Variants in RGS7BP observed in about 807,000 individuals in gnomAD.
RGS7BP encodes regulator of G protein signaling 7 binding protein.
A neutral mutation model predicts 31.3 loss-of-function variants in RGS7BP; 9 were observed. The observed-to-expected ratio is 0.29, with a 90% CI of 0.17 to 0.50. RGS7BP has a LOEUF of 0.50. Among genes scored for constraint, RGS7BP ranks in the 20% least tolerant of loss-of-function variants. RGS7BP has a pLI of 0.98. For missense variants in RGS7BP, 274 were observed against 322.0 expected (o/e 0.85, Z 1.14); for synonymous variants, 115 against 120.1 (o/e 0.96, Z 0.28).
At chr5:64,600,778 A>T (rs1743197321) in intron 5 of RGS7BP, among the ~76,000 whole-genome samples, 1 of 152,194 alleles carries the variant, frequency 6.6e-6, no homozygotes, top group Admixed American at 6.5e-5. Context: ...ATGTGACAAT[A>T]CATCTCTGTT....
At chr5:64,551,759 A>C (rs1741801427) in intron 2 of RGS7BP, among the ~76,000 whole-genome samples, 1 of 152,200 alleles carries the variant, frequency 6.6e-6, no homozygotes, top group Non-Finnish European at 1.5e-5. Context: ...TATGTTAAGC[A>C]GTTATTAATA....
intron 1 of RGS7BP, among the ~76,000 whole-genome samples, chr5:64,507,403 G>A (rs1561316455): frequency 2.0e-5 from 3 of 152,182 alleles, no homozygotes; most frequent in African/African-American, 7.2e-5. Flanking sequence ...GTTGGCCTGG[G>A]AGTGGCATGG....
intron 2 of RGS7BP, among the ~76,000 whole-genome samples, chr5:64,510,983 C>A (rs541368835): frequency 1.3e-5 from 2 of 152,318 alleles, no homozygotes; most frequent in African/African-American, 2.4e-5. Context: ...TACAGACTCC[C>A]ACTTCCTGGT....
In RGS7BP at chr5:64,511,777, G is replaced by A. The variant is rs191867231; in HGVS notation, c.332+3900G>A. Among the ~76,000 whole-genome samples, 27 of 152,322 alleles carry A rather than the reference G, an allele frequency of 1.8e-4. No homozygotes were observed. In the South Asian group the frequency reaches 2.5e-3, roughly 14 times the overall value. On this transcript the variant is annotated intron_variant, in intron 2 of 5. Coordinates refer to ENST00000334025, the MANE Select transcript of RGS7BP (RefSeq NM_001029875.3). ...GGAGTCAGGCAGACCTGGAATGAGT[G>A]TCATCTTTTATGACCTTGATGGAAT...
At chr5:64,602,374 G>A (rs56923245) in intron 5 of RGS7BP, among the ~76,000 whole-genome samples, 1,843 of 152,274 alleles carry the variant, frequency 0.012, 39 homozygotes, top group African/African-American at 0.042. Flanking sequence ...TCAGTGTGAC[G>A]TATGTAAACC....
At chr5:64,513,453 G>C (rs75068720) in intron 2 of RGS7BP, among the ~76,000 whole-genome samples, 11,714 of 152,114 alleles carry the variant, frequency 0.077, 524 homozygotes, top group Admixed American at 0.12. Context: ...GATTTTTTCA[G>C]TCCCACTTCT....
At chr5:64,576,204 A>C (rs1349930122) in intron 3 of RGS7BP, among the ~76,000 whole-genome samples, 1 of 152,228 alleles carries the variant, frequency 6.6e-6, no homozygotes, top group Non-Finnish European at 1.5e-5. Context: ...GTATGTAGTG[A>C]TTTCACTAGG....
intron 4 of RGS7BP, among the ~76,000 whole-genome samples, chr5:64,595,513 T>G (rs1386927560): frequency 2.0e-5 from 3 of 152,180 alleles, no homozygotes; most frequent in Non-Finnish European, 4.4e-5. Context: ...ACAGTGATTT[T>G]ATTTTATTTA....
chr5:64,590,757 TATC>T (rs60509453), intron 3 of RGS7BP, among the ~76,000 whole-genome samples: 4,545 of 152,142 alleles, frequency 0.03, 229 homozygotes, highest in African/African-American at 0.1. Flanking sequence ...ATAATTAAAA[TATC>T]ATGGAATTGC....
chr5:64,570,308 C>T (rs886795154), intron 2 of RGS7BP, among the ~76,000 whole-genome samples: 3 of 152,076 alleles, frequency 2.0e-5, no homozygotes, highest in Non-Finnish European at 4.4e-5. Context: ...TTGATCCTTG[C>T]AGCAACCTTG....
intron 2 of RGS7BP, among the ~76,000 whole-genome samples, chr5:64,552,674 G>C (rs949770485): frequency 6.6e-6 from 1 of 152,092 alleles, no homozygotes; most frequent in African/African-American, 2.4e-5. Flanking sequence ...TGGCTTTCTG[G>C]CCTTGTAAAT....
Position 64,535,748 on chromosome 5 carries a change from C to G in RGS7BP, c.332+27871C>G, listed in dbSNP as rs1027771770. On this transcript the variant is annotated intron_variant, in intron 2 of 5. Coordinates refer to ENST00000334025, the MANE Select transcript of RGS7BP (RefSeq NM_001029875.3). ...TAGCAGACAGGAAGACATACATCCTCCTTTATGGAGATTAAATGGTCCTGC... is the reference window on the plus strand; with the variant it reads ...TAGCAGACAGGAAGACATACATCCTGCTTTATGGAGATTAAATGGTCCTGC... 4.6e-5 allele frequency among the ~76,000 whole-genome samples: 7 copies of G among 152,308 alleles called. No individual in the cohort carries two copies. In the South Asian group the frequency reaches 6.2e-4, roughly 14 times the overall value.
chr5:64,594,914 G>A, intron 4 of RGS7BP, 57 bp downstream of exon 4: 1 of 1,563,426 alleles, frequency 6.4e-7, no homozygotes, highest in Non-Finnish European at 8.8e-7. Context: ...AATGTTCTTA[G>A]GGGCCACAGA....
chr5:64,528,447 C>T (rs971070852), intron 2 of RGS7BP, among the ~76,000 whole-genome samples: 3 of 152,066 alleles, frequency 2.0e-5, no homozygotes, highest in African/African-American at 4.8e-5. Flanking sequence ...TCACACATGC[C>T]GTAACAGCTA....
At chr5:64,591,492 G>A (rs959659111) in intron 3 of RGS7BP, among the ~76,000 whole-genome samples, 27 of 152,128 alleles carry the variant, frequency 1.8e-4, no homozygotes, top group African/African-American at 6.3e-4. Context: ...TGGGAAAGGG[G>A]TGGGGAAATG....
At chr5:64,573,417 CA>C (rs2111893310) in intron 2 of RGS7BP, among the ~76,000 whole-genome samples, 1 of 152,190 alleles carries the variant, frequency 6.6e-6, no homozygotes, top group South Asian at 2.1e-4. Flanking sequence ...AGCTAAGCCC[CA>C]CTAGGCACAT....
chr5:64,598,222 A>T lies in RGS7BP; in HGVS notation c.612-143A>T, dbSNP rs1001201537. On this transcript the variant is annotated intron_variant, in intron 4 of 5. Transcript: ENST00000334025. ...TTTTTTTCTTGTAAAAGCAAAATAA[A>T]TTCAATATTTGCCTACTGGAAACTA... 5.5e-5 allele frequency: 33 copies of T among 594,914 alleles called. No homozygotes were observed. The African/African-American group carries it at 6.0e-4, about 11-fold the overall frequency. The allele number at this position is 594,914 out of a possible 1,614,324, so 36.9% of individuals were successfully genotyped here.
intron 3 of RGS7BP, among the ~76,000 whole-genome samples, chr5:64,583,804 T>G (rs138916192): frequency 1.3e-5 from 2 of 152,342 alleles, no homozygotes; most frequent in East Asian, 3.9e-4. Flanking sequence ...ATCTAAAGCC[T>G]TCTTCTACTC....
In RGS7BP at chr5:64,609,478, G is replaced by C; in HGVS notation, c.*226G>C. On this transcript the variant is annotated 3_prime_UTR_variant, in exon 6 of 6. Coordinates refer to ENST00000334025, the MANE Select transcript of RGS7BP (RefSeq NM_001029875.3). The stretch of plus-strand genomic sequence containing the variant: ...CAAAAACCAGGCTGTTTTTAAAAGG[G>C]AATTTTAAAGCTGACATTGTGCATG... The C allele has an allele frequency of 3.9e-6, 2 of 519,458 alleles. No individual in the cohort carries two copies. The highest frequency in any genetic ancestry group is 4.2e-4 in the Middle Eastern group (1 of 2,374). 32.2% of individuals were successfully genotyped at this position (519,458 alleles called of 1,614,324 possible).
Sources: allele counts gnomAD v4.1 joint callset (sites outside exome capture counted in the v4.1 genomes callset), GRCh38; gene constraint gnomAD v4.1.1; transcripts MANE v1.5; gene names NCBI Gene and HGNC (gene_info 2026-07-23, HGNC 2026-07-21).